The following MRC2 variants were observed in gnomAD, a reference collection of about 807,000 sequenced individuals.
MRC2 encodes C-type mannose receptor 2.
MRC2 carries 84 observed loss-of-function variants against 206.2 expected under a neutral mutation model. That is an observed-to-expected ratio of 0.41 (90% confidence interval 0.34 to 0.49). MRC2 has a LOEUF of 0.49. Ranked by LOEUF, MRC2 falls within the 20% of genes least tolerant of loss-of-function variation. The probability of loss-of-function intolerance (pLI) is 0.31; values close to 1 mark genes in which losing one functional copy is unlikely to be tolerated. For synonymous variants in MRC2, 798 were observed against 800.0 expected (o/e 1.00, Z 0.04); for missense variants, 1,676 against 2,001.5 (o/e 0.84, Z 3.10).
chr17:62,682,970 G>A (rs1190999286), intron 20 of MRC2, among the ~76,000 whole-genome samples: 1 of 151,934 alleles, frequency 6.6e-6, no homozygotes, highest in Non-Finnish European at 1.5e-5. Flanking sequence ...CAAAGATTTT[G>A]ATAATGAACT....
At chr17:62,663,061 A>G (rs552128999) in intron 1 of MRC2, among the ~76,000 whole-genome samples, 6 of 152,328 alleles carry the variant, frequency 3.9e-5, no homozygotes, top group South Asian at 2.1e-4. Context: ...TGTTGTGTAC[A>G]TAAGTGGCAG....
chr17:62,691,140 G>T lies in MRC2; in HGVS notation c.4192+12G>T. The T allele has an allele frequency of 1.3e-6, 2 of 1,588,590 alleles. No individual in the cohort carries two copies. The highest frequency in any genetic ancestry group is 2.3e-5 in the South Asian group (2 of 87,290). On this transcript the variant is annotated intron_variant, in intron 28 of 29. Transcript: ENST00000303375. ...CAAGCTTCCTCGTGGTGAGCGCCGG[G>T]CAGGCCCACGCTCAGCCTCCTTCCA...
chr17:62,656,236 G>T (rs915607721), intron 1 of MRC2, among the ~76,000 whole-genome samples: 2 of 152,102 alleles, frequency 1.3e-5, no homozygotes, highest in African/African-American at 4.8e-5. Context: ...TAGTAGAGAT[G>T]GAGTTTCACC....
chr17:62,679,674 C>G (rs1164222372), intron 13 of MRC2, 126 bp from the exon 14 acceptor site: 20 of 766,156 alleles, frequency 2.6e-5, no homozygotes, highest in Non-Finnish European at 3.8e-5. Context: ...ATGTGAAGCC[C>G]AGATGGAGAG....
At chr17:62,669,720 C>T (rs2088804058) in intron 6 of MRC2, among the ~76,000 whole-genome samples, 1 of 150,596 alleles carries the variant, frequency 6.6e-6, no homozygotes, top group African/African-American at 2.4e-5. Context: ...CCACGCCCGG[C>T]TAATTTTTTT....
chr17:62,646,023 A>AT (rs34679697), intron 1 of MRC2, among the ~76,000 whole-genome samples: 16,370 of 106,354 alleles, frequency 0.15, 1,992 homozygotes, highest in African/African-American at 0.31. Context: ...GTCCTTTTCT[A>AT]TTTTTTTTTT....
At chr17:62,681,963 C>T (rs373810389) in intron 19 of MRC2, 26 bp downstream of exon 19, 50 of 1,592,208 alleles carry the variant, frequency 3.1e-5, no homozygotes, top group East Asian at 1.6e-4. Flanking sequence ...GGGCAGAGTG[C>T]GCAGTCAGCT....
chr17:62,627,780 T>C lies in MRC2; in HGVS notation c.-23T>C. ...CGCCTGTGCGCCCTCGGTCCCCGCG[T>C]CCACTGAGCGCCGCGCTCGGGGATG... is the stretch of plus-strand genomic sequence containing the variant. On this transcript the variant is annotated 5_prime_UTR_variant, in exon 1 of 30. Transcript: ENST00000303375. The C allele has an allele frequency of 1.4e-6, 2 of 1,401,584 alleles. No individual in the cohort carries two copies. The highest frequency in any genetic ancestry group is 1.8e-6 in the Non-Finnish European group (2 of 1,086,620). 86.8% of individuals were successfully genotyped at this position (1,401,584 alleles called of 1,614,324 possible).
In MRC2 at chr17:62,671,789, A is replaced by T. The variant is rs1252666099; in HGVS notation, c.1258A>T (p.Ile420Phe). 3 of 1,611,084 alleles carry T rather than the reference A, an allele frequency of 1.9e-6. No homozygotes were observed. The East Asian group carries it at 6.7e-5, about 36-fold the overall frequency. Residue 420 changes from isoleucine to phenylalanine, a missense_variant, in exon 7 of 30, where the codon ATC becomes TTC. Coordinates refer to ENST00000303375, the MANE Select transcript of MRC2 (RefSeq NM_006039.5). The surrounding 1 kb of genome is among the most constrained non-coding windows in gnomAD (Gnocchi z 4.5). ...ACGGGGCGGTGGCGACCTGGTCAGC[A>T]TCCACAGCATGGCGGAGCTGGAATT... The part of the protein sequence containing the change: ...CLRGGGDLVS[I>F]HSMAELEFIT...
At position 62,692,260 on chromosome 17, in the gene MRC2, G is replaced by A; in HGVS notation, c.4249G>A (p.Val1417Met). Residue 1417 changes from valine to methionine, a missense_variant, in exon 30 of 30, where the codon GTG becomes ATG. Val to Met is a conservative substitution (Grantham distance 21). This residue lies in a region of MRC2 where 1,354 missense variants were observed against 1,636.6 expected (regional missense o/e 0.83). Coordinates refer to ENST00000303375, the MANE Select transcript of MRC2 (RefSeq NM_006039.5). The surrounding 1 kb of genome is among the most constrained non-coding windows in gnomAD (Gnocchi z 4.2). Reference sequence around the variant, plus strand: ...TCCAGAGAACCCAGCGGCCCTGGTGGTGGTGCTGATGGCGGTGCTGCTGCT... The same window carrying A: ...TCCAGAGAACCCAGCGGCCCTGGTGATGGTGCTGATGGCGGTGCTGCTGCT... Reference protein sequence around the residue: ...ALPENPAALVVVLMAVLLLLA... With the variant: ...ALPENPAALVMVLMAVLLLLA... The A allele has an allele frequency of 6.2e-7, 1 of 1,608,706 alleles. No individual in the cohort carries two copies. Among genetic ancestry groups the A allele is most frequent in the Non-Finnish European group, 8.5e-7 (1 of 1,177,490 alleles).
At chr17:62,631,638 C>CT (rs1568045758) in intron 1 of MRC2, among the ~76,000 whole-genome samples, 2 of 152,080 alleles carry the variant, frequency 1.3e-5, no homozygotes, top group East Asian at 3.9e-4. Context: ...GAGGGTGGAG[C>CT]GAGCAGCCCT....
intron 11 of MRC2, among the ~76,000 whole-genome samples, chr17:62,677,067 C>T (rs938539735): frequency 1.3e-5 from 2 of 152,248 alleles, no homozygotes; most frequent in African/African-American, 4.8e-5. Context: ...TGCCTGAGCC[C>T]TCACAGTGGG....
At chr17:62,659,723 C>T (rs1328977320) in intron 1 of MRC2, among the ~76,000 whole-genome samples, 1 of 152,138 alleles carries the variant, frequency 6.6e-6, no homozygotes, top group Non-Finnish European at 1.5e-5. Flanking sequence ...CATCCAAGTG[C>T]TGTTAGAGGA....
At chr17:62,688,190 GC>G in intron 20 of MRC2, 98 bp from the exon 21 acceptor site, 5 of 989,810 alleles carry the variant, frequency 5.1e-6, no homozygotes, top group Non-Finnish European at 7.6e-6. Context: ...GCCCTCAAAG[GC>G]CCCCCAGGAC....
chr17:62,645,521 ATATATATTTTTTTTT>A (rs1475328195), intron 1 of MRC2, among the ~76,000 whole-genome samples: 15 of 45,552 alleles, frequency 3.3e-4, no homozygotes, highest in African/African-American at 1.1e-3. Context: ...ATATATATAT[ATATATATTTTTTTTT>A]TTTTTTTTTT....
At chr17:62,683,428 A>G (rs1387509548) in intron 20 of MRC2, among the ~76,000 whole-genome samples, 1 of 150,904 alleles carries the variant, frequency 6.6e-6, no homozygotes, top group Non-Finnish European at 1.5e-5. Flanking sequence ...AGATCGTGCC[A>G]TTGCACTCCA....
At chr17:62,665,999 C>T (rs950060005) in intron 2 of MRC2, 95 bp from the exon 3 acceptor site, 2 of 1,323,196 alleles carry the variant, frequency 1.5e-6, no homozygotes, top group Non-Finnish European at 2.1e-6. Flanking sequence ...ACACCCAGCA[C>T]TCTGGGTTTT....
Position 62,688,845 on chromosome 17 carries a change from C to G in MRC2, c.3226-7C>G, listed in dbSNP as rs989184281. 2 of 1,605,202 alleles carry G rather than the reference C, an allele frequency of 1.2e-6. No homozygotes were observed. Among genetic ancestry groups the G allele is most frequent in the African/African-American group, 2.7e-5 (2 of 74,836 alleles). ...TGGGGCTCCCCTGAGCAGCTCCCTC[C>G]CCCCAGACCAGCTGTGCAGTGGTCC... On this transcript the variant is annotated splice_polypyrimidine_tract_variant and splice_region_variant and intron_variant, in intron 22 of 29. Transcript: ENST00000303375.
rs1190485397 is a variant in MRC2 at position 62,664,639 on chromosome 17, C to T, written c.210C>T (p.Thr70=). Residue 70 remains threonine, a synonymous_variant, in exon 2 of 30, where the codon ACC becomes ACT. Coordinates refer to ENST00000303375, the MANE Select transcript of MRC2 (RefSeq NM_006039.5). The surrounding 1 kb of genome is among the most constrained non-coding windows in gnomAD (Gnocchi z 4.7). ...TCAGAGTCACCCCGGCTTGCAATAC[C>T]AGCCTCCCTGCCCAGCGCTGGAAGT... is the stretch of plus-strand genomic sequence containing the variant. The part of the protein sequence containing the change: ...GQVRVTPACN[T]SLPAQRWKWV... 3 of 1,613,732 alleles carry T rather than the reference C, an allele frequency of 1.9e-6. No individual in the cohort carries two copies. Among genetic ancestry groups the T allele is most frequent in the Admixed American group, 1.7e-5 (1 of 60,032 alleles).
Sources: allele counts gnomAD v4.1 joint callset (sites outside exome capture counted in the v4.1 genomes callset), GRCh38; gene constraint gnomAD v4.1.1; regional missense constraint gnomAD v4.1.1; non-coding constraint Gnocchi (gnomAD v3.1); transcripts MANE v1.5; gene names NCBI Gene and HGNC (gene_info 2026-07-23, HGNC 2026-07-21).